The following ZFR2 variants were observed in gnomAD, a reference collection of about 807,000 sequenced individuals.
The protein encoded by ZFR2 is zinc finger RNA binding protein 2, also known as zinc finger RNA-binding protein 2.
ZFR2 carries 104 observed loss-of-function variants against 105.7 expected under a neutral mutation model. That is an observed-to-expected ratio of 0.98 (90% confidence interval 0.84 to 1.16). ZFR2 has a LOEUF of 1.16. Among genes scored for constraint, ZFR2 ranks in the 50% most tolerant of loss-of-function variants. ZFR2 has a pLI of 0.00. For missense variants in ZFR2, 1,425 were observed against 1,355.5 expected (o/e 1.05, Z -0.80); for synonymous variants, 634 against 597.7 (o/e 1.06, Z -0.89).
rs746789775 is a variant in ZFR2 at position 3,831,891 on chromosome 19, G to A, written c.380-13C>T. ...GCTTCTTGGGTCCCTAGGGGACAGG[G>A]ACAGGCCCTCTGCAGAGCCAACCCC... On this transcript the variant is annotated splice_polypyrimidine_tract_variant and intron_variant, in intron 3 of 18. Coordinates refer to ENST00000262961, the MANE Select transcript of ZFR2 (RefSeq NM_015174.2). The A allele has an allele frequency of 1.0e-5, 16 of 1,540,888 alleles. No individual in the cohort carries two copies. Among genetic ancestry groups the A allele is most frequent in the Non-Finnish European group, 1.4e-5 (16 of 1,148,894 alleles).
chr19:3,820,389 G>C, intron 10 of ZFR2, 99 bp from the exon 11 acceptor site: 1 of 1,187,806 alleles, frequency 8.4e-7, no homozygotes, highest in Non-Finnish European at 1.2e-6. Context: ...CAGCAAGGAA[G>C]GAAGGGCCAA....
chr19:3,857,771 G>A (rs953048535), intron 1 of ZFR2, among the ~76,000 whole-genome samples: 5 of 149,816 alleles, frequency 3.3e-5, no homozygotes, highest in African/African-American at 9.9e-5. Context: ...CAGGCTATTT[G>A]CTGCTGCTGC....
rs142608101 is a variant in ZFR2 at position 3,804,862 on chromosome 19, TTTTGTTTG to T, written c.*1079_*1086del. 48 of 153,152 alleles carry T rather than the reference TTTTGTTTG, an allele frequency of 3.1e-4. No homozygotes were observed. The highest frequency in any genetic ancestry group is 4.5e-4 in the Admixed American group (7 of 15,426). The allele number at this position is 153,152 out of a possible 1,614,324, so 9.5% of individuals were successfully genotyped here. ...ATGCCGCAGCCGCATCCAAAGAAAG[TTTTGTTTG>T]TTTGTTTGTTTGTTTGTTTGTTTCT... is the stretch of plus-strand genomic sequence containing the variant. On this transcript the variant is annotated 3_prime_UTR_variant, in exon 19 of 19. Transcript: ENST00000262961.
At chr19:3,837,318 C>T (rs1160433575) in intron 1 of ZFR2, among the ~76,000 whole-genome samples, 1 of 151,930 alleles carries the variant, frequency 6.6e-6, no homozygotes. Context: ...TGACTGTGGA[C>T]ACTTGATGGA....
intron 14 of ZFR2, among the ~76,000 whole-genome samples, chr19:3,811,745 G>T (rs770024862): frequency 6.6e-6 from 1 of 151,108 alleles, no homozygotes; most frequent in African/African-American, 2.4e-5. Context: ...GTGAGCCACC[G>T]TGCCCGGTGG....
chr19:3,809,714 C>T (rs1003709392), intron 16 of ZFR2, among the ~76,000 whole-genome samples: 5 of 152,246 alleles, frequency 3.3e-5, no homozygotes, highest in Non-Finnish European at 7.4e-5. Flanking sequence ...GAGGCTGAGG[C>T]GGGCAGATCA....
chr19:3,843,370 C>A (rs1460491182), intron 1 of ZFR2, among the ~76,000 whole-genome samples: 1 of 152,014 alleles, frequency 6.6e-6, no homozygotes, highest in Non-Finnish European at 1.5e-5. Context: ...ACTCAAGAGG[C>A]TGAGCTGGGA....
rs1454983521 is a variant in ZFR2, at chr19:3,804,593, C to G, written c.*1356G>C. On this transcript the variant is annotated 3_prime_UTR_variant, in exon 19 of 19. Transcript: ENST00000262961. ...GTCTGACTGTCCAGCACAGCTGTTC[C>G]CGGGGGAGGCCCAGCCAGGATCCTC... 2.6e-5 allele frequency: 4 copies of G among 152,196 alleles called. No individual in the cohort carries two copies. Among genetic ancestry groups the G allele is most frequent in the African/African-American group, 7.2e-5 (3 of 41,396 alleles). 9.4% of individuals were successfully genotyped at this position (152,196 alleles called of 1,614,324 possible). A position where few individuals can be genotyped will look rare whatever the true frequency, so the allele number is the denominator to read the frequency against.
intron 1 of ZFR2, among the ~76,000 whole-genome samples, chr19:3,850,110 CAG>C (rs1459638754): frequency 6.6e-6 from 1 of 152,144 alleles, no homozygotes; most frequent in East Asian, 1.9e-4. Flanking sequence ...ACACAGATAA[CAG>C]AGACGCGGGG....
chr19:3,828,304 G>A (rs1383358003), intron 5 of ZFR2, among the ~76,000 whole-genome samples: 9 of 152,012 alleles, frequency 5.9e-5, no homozygotes, highest in Non-Finnish European at 1.0e-4. Flanking sequence ...ACCACCACGC[G>A]TAGCTAATTC....
chr19:3,839,157 C>T (rs1328718617), intron 1 of ZFR2, among the ~76,000 whole-genome samples: 1 of 152,144 alleles, frequency 6.6e-6, no homozygotes, highest in African/African-American at 2.4e-5. Context: ...AAGAAACATT[C>T]AGATTCCACA....
In ZFR2 at chr19:3,811,284, G is replaced by A. The variant is rs1181134767; in HGVS notation, c.2325C>T (p.Ala775=). ...CLESLAALRH[A]RWFQARASGL... is the part of the protein sequence containing the mutation. ...CTGCCCCCCTGACCTGAAACCACCT[G>A]GCATGACGGAGGGCGGCCAGGGACT... The change falls in exon 15 of 19, where the codon GCC becomes GCT. Residue 775 remains alanine (A), a synonymous_variant. Coordinates refer to ENST00000262961, the MANE Select transcript of ZFR2 (RefSeq NM_015174.2). 2 of 1,596,992 alleles carry A rather than the reference G, an allele frequency of 1.3e-6. No homozygotes were observed. The highest frequency in any genetic ancestry group is 2.3e-5 in the East Asian group (1 of 44,014).
At chr19:3,807,570 C>A (rs138326070) in intron 17 of ZFR2, among the ~76,000 whole-genome samples, 1 of 151,670 alleles carries the variant, frequency 6.6e-6, no homozygotes, top group Non-Finnish European at 1.5e-5. Flanking sequence ...TGTGTCCATG[C>A]GTGCCCATGT....
chr19:3,823,255 A>G lies in ZFR2; in HGVS notation c.1362T>C (p.Tyr454=). 1.9e-6 allele frequency: 3 copies of G among 1,613,634 alleles called. No individual in the cohort carries two copies. The highest frequency in any genetic ancestry group is 2.5e-6 in the Non-Finnish European group (3 of 1,179,800). Residue 454 remains tyrosine (Y), a synonymous_variant, in exon 8 of 19, where the codon TAT becomes TAC. Transcript: ENST00000262961. The surrounding 1 kb of genome is among the most constrained non-coding windows in gnomAD (Gnocchi z 5.4). ...CSDAQPVGPE[Y]VEEVFSDEGR... ...GACAGCCTCGACTTACCTCCTCCAC[A>G]TATTCCGGGCCCACCGGCTGCGCAT... is the stretch of plus-strand genomic sequence containing the variant.
intron 1 of ZFR2, among the ~76,000 whole-genome samples, chr19:3,843,364 A>C (rs2038153308): frequency 6.6e-6 from 1 of 151,918 alleles, no homozygotes; most frequent in South Asian, 2.1e-4. Context: ...CCAGCTACTC[A>C]AGAGGCTGAG....
intron 18 of ZFR2, 47 bp downstream of exon 18, chr19:3,807,125 G>A (rs1334531280): frequency 5.7e-6 from 8 of 1,412,930 alleles, no homozygotes; most frequent in East Asian, 2.5e-5. Context: ...GCTGCAAGCC[G>A]GAGCTGGGGC....
intron 11 of ZFR2, 94 bp downstream of exon 11, chr19:3,820,088 A>T (rs948968387): frequency 1.8e-5 from 22 of 1,212,136 alleles, no homozygotes; most frequent in Non-Finnish European, 3.5e-6. Context: ...ACTATGTGGG[A>T]GTTGGGGGGA....
intron 3 of ZFR2, among the ~76,000 whole-genome samples, chr19:3,832,346 G>A (rs1336459907): frequency 6.0e-5 from 9 of 149,760 alleles, no homozygotes; most frequent in African/African-American, 2.0e-4. Flanking sequence ...TTTTTGAGTC[G>A]GAGTCTTGCT....
At position 3,831,754 on chromosome 19, in the gene ZFR2, G is replaced by C. The variant is rs749095590; in HGVS notation, c.504C>G (p.Tyr168Ter). 2 of 1,609,502 alleles carry C rather than the reference G, an allele frequency of 1.2e-6. No individual in the cohort carries two copies. Among genetic ancestry groups the C allele is most frequent in the Non-Finnish European group, 1.7e-6 (2 of 1,178,426 alleles). ...PASTLSSGYT[Y>*]PTATGVQPES... ...CGGGCTGGACGCCTGTCGCCGTGGG[G>C]TAGGTGTATCCCGAGGACAAGGTGC... The change falls in exon 4 of 19, where the codon TAC (tyrosine) becomes TAG (stop). Residue 168 changes from tyrosine (Y) to a stop codon, truncating the protein, a stop_gained. Coordinates refer to ENST00000262961, the MANE Select transcript of ZFR2 (RefSeq NM_015174.2). LOFTEE classifies it high-confidence loss of function.
Sources: allele counts gnomAD v4.1 joint callset (sites outside exome capture counted in the v4.1 genomes callset), GRCh38; gene constraint gnomAD v4.1.1; non-coding constraint Gnocchi (gnomAD v3.1); transcripts MANE v1.5; gene names NCBI Gene and HGNC (gene_info 2026-07-23, HGNC 2026-07-21).